Variants in C16orf87 observed in about 807,000 individuals in gnomAD.
C16orf87 encodes the protein HDAC and MIER1 interacting protein 1.
Under a neutral mutation model 21.0 loss-of-function variants are expected in C16orf87, and 13 were observed. The observed-to-expected ratio is 0.62, with a 90% CI of 0.40 to 0.98. The LOEUF (loss-of-function observed/expected upper bound fraction) is 0.98, where lower values mean the gene tolerates loss of function less well. Among genes scored for constraint, C16orf87 ranks in the 50% least tolerant of loss-of-function variants. The pLI is 0.00. For synonymous variants in C16orf87, 49 were observed against 60.2 expected (o/e 0.81, Z 0.86); for missense variants, 113 against 180.4 (o/e 0.63, Z 2.14).
At chr16:46,807,373 C>G (rs1363326139) in intron 3 of C16orf87, among the ~76,000 whole-genome samples, 1 of 151,794 alleles carries the variant, frequency 6.6e-6, no homozygotes, top group Admixed American at 6.6e-5. Context: ...GCCATGATCA[C>G]TCCACTGCAC....
chr16:46,821,160 G>A (rs1024885216), intron 2 of C16orf87, among the ~76,000 whole-genome samples: 5 of 152,178 alleles, frequency 3.3e-5, no homozygotes, highest in Admixed American at 3.3e-4. Flanking sequence ...GAATTACTGA[G>A]TACCTAAAAC....
chr16:46,807,168 G>A (rs964135895), intron 3 of C16orf87, among the ~76,000 whole-genome samples: 4 of 152,226 alleles, frequency 2.6e-5, no homozygotes, highest in African/African-American at 9.6e-5. Flanking sequence ...CGAGTGCAGT[G>A]GCTCATGCAT....
intron 2 of C16orf87, among the ~76,000 whole-genome samples, chr16:46,810,829 T>C (rs1309367552): frequency 6.6e-6 from 1 of 152,134 alleles, no homozygotes; most frequent in Non-Finnish European, 1.5e-5. Context: ...TGTTAAGACT[T>C]GGGCTAACAT....
chr16:46,805,430 T>C (rs1252358970), intron 3 of C16orf87, among the ~76,000 whole-genome samples: 2 of 152,184 alleles, frequency 1.3e-5, no homozygotes, highest in African/African-American at 4.8e-5. Flanking sequence ...TTAAAGTTCA[T>C]TTTCCAACTG....
intron 3 of C16orf87, among the ~76,000 whole-genome samples, chr16:46,804,806 C>T (rs1967878117): frequency 6.6e-6 from 1 of 152,192 alleles, no homozygotes; most frequent in African/African-American, 2.4e-5. Context: ...ATTTCTATTA[C>T]CACAGAATCA....
intron 2 of C16orf87, among the ~76,000 whole-genome samples, chr16:46,810,213 G>C (rs1169785616): frequency 2.0e-5 from 3 of 152,144 alleles, no homozygotes; most frequent in Admixed American, 1.3e-4. Context: ...AAGCAAAACT[G>C]ATCTTAGAGA....
chr16:46,825,414 T>G (rs935243805), intron 1 of C16orf87, among the ~76,000 whole-genome samples: 5 of 107,184 alleles, frequency 4.7e-5, no homozygotes, highest in Non-Finnish European at 7.5e-5. Flanking sequence ...AAGAATAGTT[T>G]ATAGCAACCA....
chr16:46,830,305 A>AGAGG (rs1555479558), intron 1 of C16orf87, among the ~76,000 whole-genome samples: 3 of 148,524 alleles, frequency 2.0e-5, no homozygotes, highest in African/African-American at 7.5e-5. Context: ...AGAGAGAGAG[A>AGAGG]GAGACACACA....
chr16:46,830,250 G>T (rs1596834316), intron 1 of C16orf87, among the ~76,000 whole-genome samples: 1 of 142,134 alleles, frequency 7.0e-6, no homozygotes, highest in Admixed American at 7.3e-5. Context: ...GAGAGATAGA[G>T]AGATAGAGAG....
intron 2 of C16orf87, among the ~76,000 whole-genome samples, chr16:46,820,777 A>G (rs1010377508): frequency 2.6e-5 from 4 of 152,218 alleles, no homozygotes; most frequent in African/African-American, 9.6e-5. Context: ...TACTGGTAAG[A>G]CTGGTCTCCA....
chr16:46,830,163 G>T (rs183924394), intron 1 of C16orf87, among the ~76,000 whole-genome samples: 1 of 152,042 alleles, frequency 6.6e-6, no homozygotes, highest in African/African-American at 2.4e-5. Flanking sequence ...TCACTGAAAT[G>T]AGATGTTTTA....
rs140064545 is a variant in C16orf87 at position 46,829,946 on chromosome 16, G to A, written c.66+1138C>T. ...CTTGATTTAAAAAAAAAAAAAGGCG[G>A]TGGGGGGAGGGGAGGAGAGAAAGGT... is the stretch of plus-strand genomic sequence containing the variant. On this transcript the variant is annotated intron_variant, in intron 1 of 3. Coordinates refer to ENST00000285697, the MANE Select transcript of C16orf87 (RefSeq NM_001001436.4). Among the ~76,000 whole-genome samples, 1,199 of 149,822 alleles carry A rather than the reference G, an allele frequency of 8.0e-3. 24 individuals carry two copies. Among genetic ancestry groups the A allele is most frequent in the African/African-American group, 0.027 (1,122 of 40,900 alleles).
intron 2 of C16orf87, among the ~76,000 whole-genome samples, chr16:46,819,043 A>G (rs1199839095): frequency 6.6e-6 from 1 of 152,204 alleles, no homozygotes; most frequent in Non-Finnish European, 1.5e-5. Context: ...GTGTGCCCCA[A>G]AAAGAGGGTA....
chr16:46,802,897 G>C lies in C16orf87; in HGVS notation c.*55C>G, dbSNP rs1295547586. The C allele has an allele frequency of 3.6e-6, 3 of 838,624 alleles. No individual in the cohort carries two copies. The highest frequency in any genetic ancestry group is 3.7e-5 in the Admixed American group (2 of 54,168). The allele number at this position is 838,624 out of a possible 1,614,324, so 51.9% of individuals were successfully genotyped here. A position where few individuals can be genotyped will look rare whatever the true frequency, so the allele number is the denominator to read the frequency against. The stretch of plus-strand genomic sequence containing the variant: ...TGCTCCTGAGAGTCCATAACTGTTT[G>C]AGAATTTGCTGATGTTATCCTGACA... On this transcript the variant is annotated 3_prime_UTR_variant, in exon 4 of 4. Transcript: ENST00000285697.
At chr16:46,814,192 T>C (rs552697628) in intron 2 of C16orf87, among the ~76,000 whole-genome samples, 1 of 152,150 alleles carries the variant, frequency 6.6e-6, no homozygotes, top group African/African-American at 2.4e-5. Context: ...TAAACTACAA[T>C]CCAAAAATAG....
intron 3 of C16orf87, among the ~76,000 whole-genome samples, chr16:46,804,986 G>A (rs1053216553): frequency 6.6e-6 from 1 of 152,018 alleles, no homozygotes; most frequent in Non-Finnish European, 1.5e-5. Context: ...ATATCATTTT[G>A]CTTTTCTTTT....
chr16:46,807,602 G>A (rs1967968108), intron 3 of C16orf87, among the ~76,000 whole-genome samples: 1 of 152,166 alleles, frequency 6.6e-6, no homozygotes, highest in African/African-American at 2.4e-5. Flanking sequence ...AGTTGTGACA[G>A]AGATAGTATG....
chr16:46,814,379 A>G (rs1240649255), intron 2 of C16orf87, among the ~76,000 whole-genome samples: 1 of 152,224 alleles, frequency 6.6e-6, no homozygotes. Flanking sequence ...AGCAACTGAC[A>G]TAAGGAAGCT....
chr16:46,820,825 G>C (rs1959387224), intron 2 of C16orf87, among the ~76,000 whole-genome samples: 1 of 152,172 alleles, frequency 6.6e-6, no homozygotes, highest in African/African-American at 2.4e-5. Flanking sequence ...CCAACAGTAT[G>C]AGACTATCCA....
Sources: gnomAD v4.1 joint callset for allele counts (sites outside exome capture counted in the v4.1 genomes callset) on GRCh38, gnomAD v4.1.1 for gene constraint, MANE v1.5 for transcripts, NCBI Gene and HGNC (gene_info 2026-07-23, HGNC 2026-07-21) for gene names.